The following WHAMM variants were observed in gnomAD, a reference collection of about 807,000 sequenced individuals.
The protein encoded by WHAMM is WASP homolog associated with actin, golgi membranes and microtubules, also known as WASP homolog-associated protein with actin, membranes and microtubules.
A neutral mutation model predicts 76.5 loss-of-function variants in WHAMM; 67 were observed. That is an observed-to-expected ratio of 0.88 (90% confidence interval 0.72 to 1.07). The LOEUF (loss-of-function observed/expected upper bound fraction) is 1.07, where lower values mean the gene tolerates loss of function less well. WHAMM is among the 50% of genes least tolerant of loss of function. The pLI is 0.00. For synonymous variants in WHAMM, 419 were observed against 422.1 expected (o/e 0.99, Z 0.09); for missense variants, 1,021 against 1,051.1 (o/e 0.97, Z 0.40).
At position 82,819,337 on chromosome 15, in the gene WHAMM, A is replaced by G. The variant is rs1318391344; in HGVS notation, c.1119A>G (p.Pro373=). The G allele has an allele frequency of 9.9e-6, 11 of 1,109,082 alleles. No individual in the cohort carries two copies. The highest frequency in any genetic ancestry group is 1.3e-5 in the Non-Finnish European group (11 of 819,694). The allele number at this position is 1,109,082 out of a possible 1,614,324, so 68.7% of individuals were successfully genotyped here. A position where few individuals can be genotyped will look rare whatever the true frequency, so the allele number is the denominator to read the frequency against. The change falls in exon 5 of 10, where the codon CCA becomes CCG. Residue 373 remains proline, a synonymous_variant. Coordinates refer to ENST00000286760, the MANE Select transcript of WHAMM (RefSeq NM_001080435.3). Reference sequence around the variant, plus strand: ...ATGAAAATAAGATGGAAGATCTTCCAGAACAAGAAAAAAATACAAATGTTG... The same window carrying G: ...ATGAAAATAAGATGGAAGATCTTCCGGAACAAGAAAAAAATACAAATGTTG... ...AEIQGKMEDL[P]EQEKNTNVVD...
At position 82,810,349 on chromosome 15, in the gene WHAMM, G is replaced by A. The variant is rs765823533; in HGVS notation, c.609+14G>A. The A allele has an allele frequency of 7.7e-7, 1 of 1,304,146 alleles. No individual in the cohort carries two copies. Among genetic ancestry groups the A allele is most frequent in the Non-Finnish European group, 9.7e-7 (1 of 1,031,096 alleles). The allele number at this position is 1,304,146 out of a possible 1,614,324, so 80.8% of individuals were successfully genotyped here. A position where few individuals can be genotyped will look rare whatever the true frequency, so the allele number is the denominator to read the frequency against. ...CGGCTGCGCCAGGTAAGCGAGGCCC[G>A]GTCGCCGGCGTTCGTCCGCGCTTCC... On this transcript the variant is annotated intron_variant, in intron 1 of 9. Coordinates refer to ENST00000286760, the MANE Select transcript of WHAMM (RefSeq NM_001080435.3).
chr15:82,827,853 A>G (rs2050962277), intron 8 of WHAMM, among the ~76,000 whole-genome samples: 2 of 152,136 alleles, frequency 1.3e-5, no homozygotes, highest in African/African-American at 4.8e-5. Context: ...GCTAAGGCAC[A>G]AGAATCACTT....
rs17158274 is a variant in WHAMM at position 82,818,428 on chromosome 15, T to A, written c.1104+339T>A. 4.2e-3 allele frequency among the ~76,000 whole-genome samples: 643 copies of A among 152,366 alleles called. 10 individuals carry two copies. The highest frequency in any genetic ancestry group is 0.036 in the East Asian group (187 of 5,182). ...TTCTTTCCAGGCATCGTTAAAGAGCTTCTTTTCTTCGCTTATTCCAACACC... is the reference window on the plus strand; with the variant it reads ...TTCTTTCCAGGCATCGTTAAAGAGCATCTTTTCTTCGCTTATTCCAACACC... On this transcript the variant is annotated intron_variant, in intron 4 of 9. Coordinates refer to ENST00000286760, the MANE Select transcript of WHAMM (RefSeq NM_001080435.3).
chr15:82,811,517 G>C (rs1464382617), intron 1 of WHAMM, among the ~76,000 whole-genome samples: 1 of 152,142 alleles, frequency 6.6e-6, no homozygotes, highest in Non-Finnish European at 1.5e-5. Flanking sequence ...AGTTCACTCT[G>C]GGGTACTATA....
At chr15:82,824,463 G>A (rs571322558) in intron 6 of WHAMM, among the ~76,000 whole-genome samples, 113 of 152,302 alleles carry the variant, frequency 7.4e-4, no homozygotes, top group African/African-American at 2.5e-3. Flanking sequence ...TGGGATTACA[G>A]GCATGTGCCA....
chr15:82,827,821 T>C (rs1230068846), intron 8 of WHAMM, among the ~76,000 whole-genome samples: 1 of 152,134 alleles, frequency 6.6e-6, no homozygotes, highest in Non-Finnish European at 1.5e-5. Context: ...GGTGCATGCC[T>C]GTAGTCCCAG....
chr15:82,819,835 A>T (rs1341186308), intron 5 of WHAMM, among the ~76,000 whole-genome samples: 1 of 152,130 alleles, frequency 6.6e-6, no homozygotes, highest in African/African-American at 2.4e-5. Flanking sequence ...CTCTACTAAA[A>T]ATACAAAAAT....
chr15:82,830,108 T>TC, intron 8 of WHAMM, among the ~76,000 whole-genome samples: 1 of 152,240 alleles, frequency 6.6e-6, no homozygotes, highest in Middle Eastern at 3.4e-3. Context: ...TCATAATACA[T>TC]ACTATTTTAT....
intron 5 of WHAMM, among the ~76,000 whole-genome samples, chr15:82,822,129 G>C (rs1315574354): frequency 6.6e-6 from 1 of 152,124 alleles, no homozygotes; most frequent in Non-Finnish European, 1.5e-5. Flanking sequence ...CTTCTGGAGG[G>C]TTTGAATTTG....
chr15:82,834,794 TC>T lies in WHAMM; in HGVS notation c.*1260del, dbSNP rs1239817209. 6.6e-6 allele frequency: 1 copy of T among 152,272 alleles called. No individual in the cohort carries two copies. The highest frequency in any genetic ancestry group is 2.4e-5 in the African/African-American group (1 of 41,466). 9.4% of individuals were successfully genotyped at this position (152,272 alleles called of 1,614,324 possible). On this transcript the variant is annotated 3_prime_UTR_variant, in exon 10 of 10. Coordinates refer to ENST00000286760, the MANE Select transcript of WHAMM (RefSeq NM_001080435.3). ...CTTAGCTGCTGTAAAAGCAAAGTCTTCCGTGTCCGGGTGGGCTGAAAGTTTT... is the reference window on the plus strand; with the variant it reads ...CTTAGCTGCTGTAAAAGCAAAGTCTTCGTGTCCGGGTGGGCTGAAAGTTTT...
At chr15:82,819,973 GA>G (rs1344333819) in intron 5 of WHAMM, among the ~76,000 whole-genome samples, 1 of 151,392 alleles carries the variant, frequency 6.6e-6, no homozygotes, top group Non-Finnish European at 1.5e-5. Context: ...AGTGAGCCAA[GA>G]TCGTGCCACT....
Position 82,833,239 on chromosome 15 carries a change from T to TGAA in WHAMM, c.2135_2137dup (p.Glu712dup). The TGAA allele has an allele frequency of 2.5e-6, 4 of 1,613,618 alleles. No homozygotes were observed. The highest frequency in any genetic ancestry group is 3.4e-6 in the Non-Finnish European group (4 of 1,179,674). ...CTTATTCAATTTCAGGATCTATGGA[T>TGAA]GAAGTGTTGGCCTCCTTAAGGCATG... On this transcript the variant is annotated inframe_insertion, in exon 10 of 10. Transcript: ENST00000286760.
intron 5 of WHAMM, 100 bp from the exon 6 acceptor site, chr15:82,823,000 G>T: frequency 1.0e-6 from 1 of 999,002 alleles, no homozygotes; most frequent in Non-Finnish European, 1.3e-6. Flanking sequence ...TCTCAGTGGT[G>T]GGATTACAAG....
At position 82,826,832 on chromosome 15, in the gene WHAMM, A is replaced by G. The variant is rs2050943853; in HGVS notation, c.1627A>G (p.Arg543Gly). The G allele has an allele frequency of 6.5e-7, 1 of 1,548,430 alleles. No individual in the cohort carries two copies. The highest frequency in any genetic ancestry group is 1.4e-5 in the African/African-American group (1 of 72,786). ...ACGTCAAAAAACACTCCAACGATTGAGATCATTTAAAGATGTAAGTTCTAT... is the reference window on the plus strand; with the variant it reads ...ACGTCAAAAAACACTCCAACGATTGGGATCATTTAAAGATGTAAGTTCTAT... ...QERQKTLQRL[R>G]SFKDKRLAQS... The change falls in exon 8 of 10, where the codon AGA (arginine) becomes GGA (glycine). Residue 543 changes from arginine to glycine, a missense_variant. By Grantham distance (125) the Arg-to-Gly change is moderately radical. Coordinates refer to ENST00000286760, the MANE Select transcript of WHAMM (RefSeq NM_001080435.3).
intron 5 of WHAMM, among the ~76,000 whole-genome samples, chr15:82,822,263 G>A (rs1214875032): frequency 6.6e-6 from 1 of 152,098 alleles, no homozygotes; most frequent in Non-Finnish European, 1.5e-5. Flanking sequence ...TTGTCAATGG[G>A]TATCAAGATC....
At chr15:82,810,717 A>G (rs2050614439) in intron 1 of WHAMM, 2 of 985,338 alleles carry the variant, frequency 2.0e-6, no homozygotes, top group African/African-American at 1.7e-5. Flanking sequence ...AATGTAAGCA[A>G]TTCCTGTGTA....
intron 5 of WHAMM, among the ~76,000 whole-genome samples, chr15:82,822,810 ATG>A (rs71451663): frequency 1.1e-3 from 172 of 150,684 alleles, no homozygotes; most frequent in African/African-American, 1.9e-3. Flanking sequence ...TGTAAGTAGT[ATG>A]TGTGTGTGTG....
chr15:82,824,963 G>A (rs2050905306), intron 6 of WHAMM, among the ~76,000 whole-genome samples: 1 of 151,930 alleles, frequency 6.6e-6, no homozygotes, highest in South Asian at 2.1e-4. Context: ...TCAAGACCAG[G>A]GACAACACAG....
chr15:82,830,690 C>A lies in WHAMM; in HGVS notation c.1733C>A (p.Pro578Gln). Reference protein sequence around the residue: ...PSDLSQQMCLPASHAVSVIHP... With the variant: ...PSDLSQQMCLQASHAVSVIHP... The stretch of plus-strand genomic sequence containing the variant: ...GATCTTTCCCAGCAGATGTGCTTGC[C>A]AGCTTCCCACGCGGTGTCAGTAATT... The change falls in exon 9 of 10, where the codon CCA (proline) becomes CAA (glutamine). Residue 578 changes from proline to glutamine, a missense_variant. Pro to Gln is a moderately conservative substitution (Grantham distance 76, BLOSUM62 -1). Coordinates refer to ENST00000286760, the MANE Select transcript of WHAMM (RefSeq NM_001080435.3). 1.2e-6 allele frequency: 2 copies of A among 1,613,994 alleles called. No homozygotes were observed. Among genetic ancestry groups the A allele is most frequent in the Non-Finnish European group, 1.7e-6 (2 of 1,179,900 alleles).
Sources: allele counts gnomAD v4.1 joint callset (sites outside exome capture counted in the v4.1 genomes callset), GRCh38; gene constraint gnomAD v4.1.1; transcripts MANE v1.5; gene names NCBI Gene and HGNC (gene_info 2026-07-23, HGNC 2026-07-21).